ASIC2: variants seen among roughly 807,000 people sequenced by gnomAD.
ASIC2 encodes acid sensing ion channel subunit 2.
A neutral mutation model predicts 57.3 loss-of-function variants in ASIC2; 25 were observed. The observed-to-expected ratio is 0.44, with a 90% CI of 0.32 to 0.61. The LOEUF is 0.61. Among genes scored for constraint, ASIC2 ranks in the 20% least tolerant of loss-of-function variants. ASIC2 has a pLI of 0.06. For missense variants in ASIC2, 641 were observed against 738.1 expected (o/e 0.87, Z 1.52); for synonymous variants, 319 against 307.5 (o/e 1.04, Z -0.39).
chr17:33,489,999 C>T (rs1295551715), intron 1 of ASIC2, among the ~76,000 whole-genome samples: 1 of 152,198 alleles, frequency 6.6e-6, no homozygotes, highest in Non-Finnish European at 1.5e-5. Flanking sequence ...GGACTATTTG[C>T]ATTTATATTT....
intron 3 of ASIC2, among the ~76,000 whole-genome samples, chr17:33,029,869 T>G (rs1002345762): frequency 6.6e-6 from 1 of 152,280 alleles, no homozygotes; most frequent in Non-Finnish European, 1.5e-5. Flanking sequence ...TGTGGTTCCC[T>G]GACGGATGAT....
At chr17:34,103,567 T>A (rs922622838) in intron 1 of ASIC2, among the ~76,000 whole-genome samples, 5 of 152,236 alleles carry the variant, frequency 3.3e-5, no homozygotes, top group African/African-American at 1.2e-4. Context: ...CCCTGTTTTT[T>A]TCAATAAGCC....
intron 1 of ASIC2, among the ~76,000 whole-genome samples, chr17:33,214,548 T>C (rs1215664749): frequency 1.3e-5 from 2 of 152,232 alleles, no homozygotes; most frequent in Admixed American, 1.3e-4. Context: ...CTGGGAAGCA[T>C]ACCATCATCT....
chr17:33,696,995 C>T (rs990917387), intron 1 of ASIC2, among the ~76,000 whole-genome samples: 5 of 152,180 alleles, frequency 3.3e-5, no homozygotes, highest in African/African-American at 1.2e-4. Context: ...AATGGTTTTG[C>T]ACCATTCCTC....
chr17:33,690,649 G>T (rs1428809362), intron 1 of ASIC2, among the ~76,000 whole-genome samples: 1 of 151,952 alleles, frequency 6.6e-6, no homozygotes, highest in Non-Finnish European at 1.5e-5. Flanking sequence ...GGTTTGTTGG[G>T]GGCTGTCAAA....
chr17:33,383,208 G>A (rs115436035), intron 1 of ASIC2, among the ~76,000 whole-genome samples: 94 of 152,266 alleles, frequency 6.2e-4, no homozygotes, highest in African/African-American at 2.2e-3. Context: ...CTCTCTTAGA[G>A]CACTTATTAC....
At chr17:33,445,471 A>G (rs903965457) in intron 1 of ASIC2, among the ~76,000 whole-genome samples, 1 of 151,902 alleles carries the variant, frequency 6.6e-6, no homozygotes, top group Non-Finnish European at 1.5e-5. Flanking sequence ...TAAAATCAGA[A>G]GATATGGGAA....
At chr17:33,970,829 G>T (rs1253655156) in intron 1 of ASIC2, among the ~76,000 whole-genome samples, 1 of 152,174 alleles carries the variant, frequency 6.6e-6, no homozygotes. Context: ...GAAAGGTGGG[G>T]GTGAAGTGGG....
intron 1 of ASIC2, among the ~76,000 whole-genome samples, chr17:33,882,255 C>T (rs1358371109): frequency 1.3e-5 from 2 of 152,122 alleles, no homozygotes; most frequent in East Asian, 3.8e-4. Context: ...CCAAAATTGA[C>T]AAATGGGATC....
chr17:33,164,434 GC>G (rs1567769379), intron 1 of ASIC2, among the ~76,000 whole-genome samples: 2 of 136,858 alleles, frequency 1.5e-5, no homozygotes, highest in South Asian at 2.4e-4. Context: ...GTTATTGCTG[GC>G]GGGTAATTGG....
At chr17:33,746,705 C>A (rs1192459837) in intron 1 of ASIC2, among the ~76,000 whole-genome samples, 1 of 151,858 alleles carries the variant, frequency 6.6e-6, no homozygotes, top group Non-Finnish European at 1.5e-5. Context: ...AAGACTTGAA[C>A]AACACTATAC....
chr17:33,607,590 A>G (rs778069179), intron 1 of ASIC2, among the ~76,000 whole-genome samples: 2 of 152,194 alleles, frequency 1.3e-5, no homozygotes, highest in Non-Finnish European at 2.9e-5. Context: ...TGTGGGAATG[A>G]TAACAGTAAG....
At chr17:33,328,163 A>AT (rs1472223414) in intron 1 of ASIC2, among the ~76,000 whole-genome samples, 1 of 151,822 alleles carries the variant, frequency 6.6e-6, no homozygotes, top group Admixed American at 6.6e-5. Context: ...CTACTAGGAA[A>AT]TAAGTGCTGA....
chr17:33,865,748 TA>T (rs763976115), intron 1 of ASIC2, among the ~76,000 whole-genome samples: 658 of 52,420 alleles, frequency 0.013, 8 homozygotes, highest in South Asian at 0.069. Flanking sequence ...TAGAGTATAA[TA>T]AAAAAAAAAT....
Position 34,094,380 on chromosome 17 carries a change from G to A in ASIC2, c.555+61598C>T, listed in dbSNP as rs1465725928. Among the ~76,000 whole-genome samples the A allele has an allele frequency of 2.6e-5, 4 of 152,186 alleles. No individual in the cohort carries two copies. The East Asian group carries it at 7.7e-4, about 29-fold the overall frequency. ...TAACTGAATCAGAACATCAACTCAG[G>A]GTGCTCAAACTCAGACCTCACAGCC... is the stretch of plus-strand genomic sequence containing the variant. On this transcript the variant is annotated intron_variant, in intron 1 of 9. Coordinates refer to the ASIC2 transcript ENST00000359872.
At chr17:33,370,566 G>T (rs149377713) in intron 1 of ASIC2, among the ~76,000 whole-genome samples, 1 of 152,160 alleles carries the variant, frequency 6.6e-6, no homozygotes, top group Non-Finnish European at 1.5e-5. Flanking sequence ...GACCCTGGCC[G>T]TCTCTGGAAG....
At chr17:33,413,409 T>C (rs560951154) in intron 1 of ASIC2, among the ~76,000 whole-genome samples, 1 of 152,320 alleles carries the variant, frequency 6.6e-6, no homozygotes, top group African/African-American at 2.4e-5. Context: ...CTTGGTCCGA[T>C]TGCAGCCTGA....
chr17:33,767,478 A>G (rs563998801), intron 1 of ASIC2, among the ~76,000 whole-genome samples: 98 of 152,232 alleles, frequency 6.4e-4, no homozygotes, highest in Non-Finnish European at 8.2e-4. Flanking sequence ...ATTTATTTCC[A>G]CAAGCAGGAA....
intron 1 of ASIC2, among the ~76,000 whole-genome samples, chr17:33,353,734 G>T (rs1416061405): frequency 6.6e-6 from 1 of 152,044 alleles, no homozygotes; most frequent in African/African-American, 2.4e-5. Flanking sequence ...AGTCCCATAG[G>T]TCTTGGAACC....
Sources: gnomAD v4.1 joint callset for allele counts (sites outside exome capture counted in the v4.1 genomes callset) on GRCh38, gnomAD v4.1.1 for gene constraint, MANE v1.5 for transcripts, NCBI Gene and HGNC (gene_info 2026-07-23, HGNC 2026-07-21) for gene names.